The following DENND5A variants were observed in gnomAD, a reference collection of about 807,000 sequenced individuals.
The protein encoded by DENND5A is DENN domain containing 5A.
In DENND5A, 64 loss-of-function variants were observed where a neutral mutation model predicts 140.3. The ratio of observed to expected loss-of-function variants is 0.46; its 90% CI spans 0.37 to 0.56. The LOEUF (loss-of-function observed/expected upper bound fraction) is 0.56. Among genes scored for constraint, DENND5A ranks in the 20% least tolerant of loss-of-function variants. DENND5A has a pLI of 0.00. For synonymous variants in DENND5A, 605 were observed against 607.7 expected (o/e 1.00, Z 0.07); for missense variants, 1,292 against 1,593.8 (o/e 0.81, Z 3.22).
chr11:9,251,039 G>T (rs1275984924), intron 1 of DENND5A, among the ~76,000 whole-genome samples: 1 of 151,480 alleles, frequency 6.6e-6, no homozygotes, highest in Non-Finnish European at 1.5e-5. Flanking sequence ...GGAGGCTGAG[G>T]CAGGAGAATC....
chr11:9,141,436 T>C (rs945122763), intron 22 of DENND5A, among the ~76,000 whole-genome samples: 2 of 152,192 alleles, frequency 1.3e-5, no homozygotes, highest in South Asian at 4.1e-4. Context: ...GCGAACTTTA[T>C]AGGGTTCTCA....
intron 1 of DENND5A, among the ~76,000 whole-genome samples, chr11:9,229,246 C>T (rs1476923602): frequency 1.3e-5 from 2 of 152,138 alleles, no homozygotes; most frequent in East Asian, 3.8e-4. Context: ...AGCCACTGCG[C>T]CTGGCCCAAA....
intron 11 of DENND5A, among the ~76,000 whole-genome samples, chr11:9,164,272 CAAACTTCTGGGCT>C (rs1472995010): frequency 7.8e-6 from 1 of 128,608 alleles, no homozygotes; most frequent in Non-Finnish European, 1.6e-5. Flanking sequence ...AGCCTGGCCT[CAAACTTCTGGGCT>C]CGAGTGATTC....
At chr11:9,250,892 G>C (rs1851688534) in intron 1 of DENND5A, among the ~76,000 whole-genome samples, 1 of 152,148 alleles carries the variant, frequency 6.6e-6, no homozygotes, top group Non-Finnish European at 1.5e-5. Flanking sequence ...CCAGCACTTT[G>C]GCAGGCTGAG....
intron 1 of DENND5A, among the ~76,000 whole-genome samples, chr11:9,224,730 C>T (rs962355444): frequency 5.9e-5 from 9 of 151,628 alleles, no homozygotes; most frequent in East Asian, 3.9e-4. Context: ...TGGTGGCGCG[C>T]GCCTGTAATC....
chr11:9,219,748 T>A (rs1465530124), intron 1 of DENND5A, among the ~76,000 whole-genome samples: 1 of 152,228 alleles, frequency 6.6e-6, no homozygotes, highest in African/African-American at 2.4e-5. Flanking sequence ...GCTTGCATCA[T>A]ATTTTCCAAG....
intron 8 of DENND5A, among the ~76,000 whole-genome samples, chr11:9,174,102 C>CAA (rs57703622): frequency 0.04 from 1,703 of 42,112 alleles, 249 homozygotes; most frequent in African/African-American, 0.057. Flanking sequence ...GACTCCGTCT[C>CAA]AAAAAAAAAA....
intron 8 of DENND5A, among the ~76,000 whole-genome samples, chr11:9,177,254 GAAAA>G (rs113043034): frequency 1.5e-5 from 1 of 65,204 alleles, no homozygotes. Flanking sequence ...ACCCTGTCTC[GAAAA>G]AAAAAAAAAA....
intron 12 of DENND5A, among the ~76,000 whole-genome samples, chr11:9,154,175 A>G (rs942227268): frequency 2.0e-5 from 3 of 152,208 alleles, no homozygotes; most frequent in African/African-American, 4.8e-5. Context: ...TCAAAATACA[A>G]TATTTTAATT....
chr11:9,194,251 A>G (rs190077978), intron 4 of DENND5A, among the ~76,000 whole-genome samples: 3 of 152,288 alleles, frequency 2.0e-5, no homozygotes, highest in Admixed American at 6.5e-5. Context: ...TAAAAATGTT[A>G]TTATAACGTT....
intron 1 of DENND5A, among the ~76,000 whole-genome samples, chr11:9,251,000 T>A (rs947556868): frequency 3.9e-5 from 6 of 151,958 alleles, no homozygotes. Context: ...CTGGGCATGG[T>A]GGCAGGCACC....
At chr11:9,154,234 G>C (rs560546672) in intron 12 of DENND5A, among the ~76,000 whole-genome samples, 1 of 152,150 alleles carries the variant, frequency 6.6e-6, no homozygotes, top group African/African-American at 2.4e-5. Context: ...CCTATTTTCT[G>C]TAGAGAAGAA....
intron 1 of DENND5A, among the ~76,000 whole-genome samples, chr11:9,234,927 C>A (rs988377171): frequency 1.1e-4 from 16 of 152,116 alleles, no homozygotes; most frequent in Admixed American, 2.6e-4. Context: ...TCCCGATTTC[C>A]CACTCCATAC....
chr11:9,168,090 T>G (rs1299730132), intron 10 of DENND5A, among the ~76,000 whole-genome samples: 2 of 132,762 alleles, frequency 1.5e-5, no homozygotes, highest in African/African-American at 2.8e-5. Context: ...TTAACCTCAG[T>G]GATTTTTTTT....
chr11:9,188,832 T>C (rs1349560153), intron 5 of DENND5A, among the ~76,000 whole-genome samples: 1 of 152,158 alleles, frequency 6.6e-6, no homozygotes, highest in Non-Finnish European at 1.5e-5. Context: ...AAACAGAGCA[T>C]AAAAGTTTGG....
At chr11:9,166,856 T>C (rs1848208564) in intron 10 of DENND5A, among the ~76,000 whole-genome samples, 1 of 151,434 alleles carries the variant, frequency 6.6e-6, no homozygotes, top group Non-Finnish European at 1.5e-5. Flanking sequence ...TAAATAAAAA[T>C]TTAAAAAATT....
intron 1 of DENND5A, among the ~76,000 whole-genome samples, chr11:9,259,495 G>T (rs1414434813): frequency 6.6e-6 from 1 of 152,116 alleles, no homozygotes; most frequent in Non-Finnish European, 1.5e-5. Flanking sequence ...GAACCCGGGA[G>T]GCGGAGTTTG....
chr11:9,140,854 T>C (rs1387546298), intron 22 of DENND5A, among the ~76,000 whole-genome samples: 5 of 152,164 alleles, frequency 3.3e-5, no homozygotes, highest in Non-Finnish European at 7.3e-5. Flanking sequence ...TGGCCAGGCA[T>C]GGTGGCTCAC....
intron 1 of DENND5A, among the ~76,000 whole-genome samples, chr11:9,211,716 G>A (rs1013945430): frequency 8.6e-5 from 13 of 151,846 alleles, no homozygotes; most frequent in Admixed American, 1.3e-4. Flanking sequence ...GGAAGATCAC[G>A]AGGTCAGGAG....
Sources: gnomAD v4.1 joint callset for allele counts (sites outside exome capture counted in the v4.1 genomes callset) on GRCh38, gnomAD v4.1.1 for gene constraint, MANE v1.5 for transcripts, NCBI Gene and HGNC (gene_info 2026-07-23, HGNC 2026-07-21) for gene names.